The following DTX1 variants were observed in gnomAD, a reference collection of about 807,000 sequenced individuals.
The protein encoded by DTX1 is deltex E3 ubiquitin ligase 1, also known as E3 ubiquitin-protein ligase DTX1.
DTX1 carries 26 observed loss-of-function variants against 57.8 expected under a neutral mutation model. The observed-to-expected ratio is 0.45, with a 90% CI of 0.33 to 0.62. DTX1 has a LOEUF of 0.62. DTX1 is among the 20% of genes least tolerant of loss of function. The pLI, the probability that DTX1 is intolerant of heterozygous loss-of-function variation, is 0.02. For missense variants in DTX1, 704 were observed against 895.3 expected (o/e 0.79, Z 2.73); for synonymous variants, 398 against 394.1 (o/e 1.01, Z -0.12).
At chr12:113,091,018 C>T (rs1317604271) in intron 3 of DTX1, among the ~76,000 whole-genome samples, 1 of 152,222 alleles carries the variant, frequency 6.6e-6, no homozygotes, top group Non-Finnish European at 1.5e-5. Context: ...GACGGCAGGC[C>T]GTTCTGCAGG....
In DTX1 at chr12:113,093,736, C is replaced by A. The variant is rs1416852267; in HGVS notation, c.1165+36C>A. The A allele has an allele frequency of 8.1e-6, 13 of 1,605,994 alleles. No individual in the cohort carries two copies. The highest frequency in any genetic ancestry group is 1.1e-5 in the Non-Finnish European group (13 of 1,174,808). On this transcript the variant is annotated intron_variant, in intron 5 of 9. Coordinates refer to ENST00000548759, the MANE Select transcript of DTX1 (RefSeq NM_004416.3). The surrounding 1 kb of genome is among the most constrained non-coding windows in gnomAD (Gnocchi z 4.2). ...CACGCCCTGCCTCACACGAGATGAA[C>A]CCCACTAAGCCTTGACCACAACTCT...
chr12:113,093,576 C>T lies in DTX1; in HGVS notation c.1041C>T (p.Pro347=), dbSNP rs1054528629. The change falls in exon 5 of 10, where the codon CCC becomes CCT. Residue 347 remains proline (P), a synonymous_variant. Transcript: ENST00000548759. The surrounding 1 kb of genome is among the most constrained non-coding windows in gnomAD (Gnocchi z 4.2). ...TGILLCAAGL[P]VCLTRAPKPI... ...TACTGCTGTGCGCGGCCGGGCTGCC[C>T]GTGTGCCTGACGCGGGCCCCCAAGC... The T allele has an allele frequency of 6.2e-7, 1 of 1,610,794 alleles. No individual in the cohort carries two copies. Among genetic ancestry groups the T allele is most frequent in the Non-Finnish European group, 8.5e-7 (1 of 1,178,744 alleles).
intron 2 of DTX1, among the ~76,000 whole-genome samples, chr12:113,067,045 C>T (rs965633787): frequency 1.3e-5 from 2 of 151,876 alleles, no homozygotes; most frequent in African/African-American, 2.4e-5. Context: ...AGTGGCAGGC[C>T]GGTGACGGGG....
intron 1 of DTX1, among the ~76,000 whole-genome samples, chr12:113,057,175 T>TC (rs1169413936): frequency 6.6e-6 from 1 of 151,062 alleles, no homozygotes; most frequent in Non-Finnish European, 1.5e-5. Context: ...GCACCCGGCA[T>TC]CCCCCCGGCA....
chr12:113,088,332 A>G (rs1950220071), intron 3 of DTX1, among the ~76,000 whole-genome samples: 1 of 152,214 alleles, frequency 6.6e-6, no homozygotes, highest in Non-Finnish European at 1.5e-5. Context: ...GCGGTAAGGC[A>G]TGCCGAAATT....
intron 2 of DTX1, among the ~76,000 whole-genome samples, chr12:113,072,744 C>G (rs1211208273): frequency 2.1e-5 from 3 of 139,802 alleles, no homozygotes; most frequent in Non-Finnish European, 3.0e-5. Flanking sequence ...TGCTTTGTCG[C>G]CCAGGCTGGA....
chr12:113,069,650 A>C lies in DTX1; in HGVS notation c.260-7774A>C, dbSNP rs559597573. On this transcript the variant is annotated intron_variant, in intron 2 of 9. Coordinates refer to ENST00000548759, the MANE Select transcript of DTX1 (RefSeq NM_004416.3). ...GCCTGGATCCACAGGCTGCAGCTCG[A>C]ATCCCAGCCCAGCCGGTGCCCCCAG... Among the ~76,000 whole-genome samples the C allele has an allele frequency of 1.2e-4, 19 of 152,270 alleles. No individual in the cohort carries two copies. The East Asian group carries it at 3.1e-3, about 25-fold the overall frequency.
intron 2 of DTX1, among the ~76,000 whole-genome samples, chr12:113,072,203 A>G (rs2044742073): frequency 6.6e-6 from 1 of 152,186 alleles, no homozygotes; most frequent in African/African-American, 2.4e-5. Context: ...TCGCTTGCAG[A>G]TGTCTTCTTT....
At chr12:113,075,081 A>G (rs572459206) in intron 2 of DTX1, among the ~76,000 whole-genome samples, 1 of 152,280 alleles carries the variant, frequency 6.6e-6, no homozygotes, top group Admixed American at 6.5e-5. Context: ...TAGACACGGT[A>G]TTTATCTCAA....
chr12:113,068,522 A>T (rs1254895717), intron 2 of DTX1, among the ~76,000 whole-genome samples: 1 of 152,216 alleles, frequency 6.6e-6, no homozygotes, highest in Non-Finnish European at 1.5e-5. Flanking sequence ...CTCTAGACAG[A>T]TGGAACAGCA....
At chr12:113,094,196 C>T in intron 6 of DTX1, 97 bp downstream of exon 6, 1 of 1,102,530 alleles carries the variant, frequency 9.1e-7, no homozygotes, top group Non-Finnish European at 1.3e-6. Context: ...CAGAGCTCTT[C>T]TAGTTTGTTC....
chr12:113,092,052 A>T (rs1950252046), intron 3 of DTX1, among the ~76,000 whole-genome samples: 1 of 152,228 alleles, frequency 6.6e-6, no homozygotes, highest in Non-Finnish European at 1.5e-5. Flanking sequence ...GTGAGGTGTT[A>T]ATATGCCTGT....
intron 3 of DTX1, among the ~76,000 whole-genome samples, chr12:113,080,315 G>C (rs2044807511): frequency 6.6e-6 from 1 of 152,200 alleles, no homozygotes; most frequent in African/African-American, 2.4e-5. Flanking sequence ...TGAAGTATCA[G>C]TTATGGCCCC....
Position 113,093,982 on chromosome 12 carries a change from A to G in DTX1, c.1166-56A>G, listed in dbSNP as rs1183901767. 1.3e-6 allele frequency: 2 copies of G among 1,555,044 alleles called. No individual in the cohort carries two copies. Among genetic ancestry groups the G allele is most frequent in the Admixed American group, 2.0e-5 (1 of 51,136 alleles). ...TGACCCCTGACCCAGTTCTGAGCCA[A>G]GCCTTCGGGGACAGACTCTGGGTAC... On this transcript the variant is annotated intron_variant, in intron 5 of 9. Coordinates refer to ENST00000548759, the MANE Select transcript of DTX1 (RefSeq NM_004416.3). This position sits in a 1 kb window ranked among gnomAD's most constrained non-coding sequence, Gnocchi z 4.2.
At position 113,095,211 on chromosome 12, in the gene DTX1, C is replaced by T; in HGVS notation, c.1548+8C>T. The T allele has an allele frequency of 6.2e-7, 1 of 1,604,284 alleles. No homozygotes were observed. On this transcript the variant is annotated splice_region_variant and intron_variant, in intron 8 of 9. Transcript: ENST00000548759. ...ATCCCCACAGGCATCCAGGTGGGCT[C>T]CCCTTCCGCCTCTCTGGCCCCCAGC...
chr12:113,078,568 C>T (rs1407302418), intron 3 of DTX1, among the ~76,000 whole-genome samples: 2 of 152,200 alleles, frequency 1.3e-5, no homozygotes, highest in Non-Finnish European at 2.9e-5. Context: ...TTCCACCAAA[C>T]AGTTCTACCA....
At position 113,093,395 on chromosome 12, in the gene DTX1, A is replaced by G. The variant is rs968436029; in HGVS notation, c.1004-144A>G. 1.5e-5 allele frequency: 20 copies of G among 1,347,208 alleles called. No individual in the cohort carries two copies. In the Admixed American group the frequency reaches 5.7e-4, roughly 39 times the overall value. 83.5% of individuals were successfully genotyped at this position (1,347,208 alleles called of 1,614,324 possible). On this transcript the variant is annotated intron_variant, in intron 4 of 9. Coordinates refer to ENST00000548759, the MANE Select transcript of DTX1 (RefSeq NM_004416.3). This position sits in a 1 kb window ranked among gnomAD's most constrained non-coding sequence, Gnocchi z 4.2. Reference sequence around the variant, plus strand: ...GGCGTGGCCCGCAGAAAGGCCCTTCAGGGGCCTTCAAGGGGCTGAGTGGGT... The same window carrying G: ...GGCGTGGCCCGCAGAAAGGCCCTTCGGGGGCCTTCAAGGGGCTGAGTGGGT...
intron 3 of DTX1, among the ~76,000 whole-genome samples, chr12:113,092,586 A>G (rs1950256524): frequency 6.6e-6 from 1 of 152,056 alleles, no homozygotes; most frequent in Non-Finnish European, 1.5e-5. Context: ...TCCAGAAGAG[A>G]AAAAAAATTC....
intron 3 of DTX1, among the ~76,000 whole-genome samples, chr12:113,086,700 T>TAAA (rs373646477): frequency 1.3e-5 from 2 of 151,992 alleles, no homozygotes; most frequent in Non-Finnish European, 2.9e-5. Flanking sequence ...CTTTTATTTT[T>TAAA]AAAAAATCCA....
Sources: allele counts gnomAD v4.1 joint callset (sites outside exome capture counted in the v4.1 genomes callset), GRCh38; gene constraint gnomAD v4.1.1; non-coding constraint Gnocchi (gnomAD v3.1); transcripts MANE v1.5; gene names NCBI Gene and HGNC (gene_info 2026-07-23, HGNC 2026-07-21).